The following PSIP1 variants were observed in gnomAD, a reference collection of about 807,000 sequenced individuals.
PSIP1 encodes PC4 and SRSF1 interacting protein 1, also known as PC4 and SFRS1-interacting protein.
Under a neutral mutation model 74.7 loss-of-function variants are expected in PSIP1, and 19 were observed. The ratio of observed to expected loss-of-function variants is 0.25; its 90% CI spans 0.18 to 0.37. The LOEUF is 0.37. Ranked by LOEUF, PSIP1 falls within the 10% of genes least tolerant of loss-of-function variation. The pLI, the probability that PSIP1 is intolerant of heterozygous loss-of-function variation, is 1.00. For synonymous variants in PSIP1, 222 were observed against 195.3 expected (o/e 1.14, Z -1.14); for missense variants, 601 against 614.3 (o/e 0.98, Z 0.23).
At position 15,510,034 on chromosome 9, in the gene PSIP1, G is replaced by A. The variant is rs568510852; in HGVS notation, c.72+83C>T. 106 of 1,392,654 alleles carry A rather than the reference G, an allele frequency of 7.6e-5. 1 individual carries two copies. In the South Asian group the frequency reaches 8.9e-4, roughly 12 times the overall value. 86.3% of individuals were successfully genotyped at this position (1,392,654 alleles called of 1,614,324 possible). On this transcript the variant is annotated intron_variant, in intron 2 of 15. Coordinates refer to ENST00000380733, the MANE Select transcript of PSIP1 (RefSeq NM_033222.5). Reference sequence around the variant, plus strand: ...AAAGCGAGGGAGAGAAAGGACAGAAGAAAAAATAAAGAGACACGGTGGGCA... The same window carrying A: ...AAAGCGAGGGAGAGAAAGGACAGAAAAAAAAATAAAGAGACACGGTGGGCA...
chr9:15,502,365 C>T (rs1347215123), intron 3 of PSIP1, among the ~76,000 whole-genome samples: 1 of 152,162 alleles, frequency 6.6e-6, no homozygotes, highest in Non-Finnish European at 1.5e-5. Context: ...TCCATGGATA[C>T]AGAACCCACA....
chr9:15,470,223 T>C (rs529455989), intron 10 of PSIP1, among the ~76,000 whole-genome samples: 1 of 152,266 alleles, frequency 6.6e-6, no homozygotes, highest in East Asian at 1.9e-4. Context: ...ACATCACAAA[T>C]AGTGTGTTGC....
chr9:15,471,155 CTT>C, intron 10 of PSIP1: 1 of 1,606,130 alleles, frequency 6.2e-7, no homozygotes, highest in Non-Finnish European at 8.5e-7. Context: ...CTTGTATTCT[CTT>C]TTCAGTAACT....
rs376865771 is a variant in PSIP1, at chr9:15,506,477, C to G, written c.149+84G>C. On this transcript the variant is annotated intron_variant, in intron 3 of 15. Transcript: ENST00000380733. The stretch of plus-strand genomic sequence containing the variant: ...GATTTTAAAGTTTCCTATTACGTTA[C>G]GATTTCCCCCTTGAATTAATGTCTA... 14 of 965,584 alleles carry G rather than the reference C, an allele frequency of 1.4e-5. No homozygotes were observed. The East Asian group carries it at 3.4e-4, about 23-fold the overall frequency. The allele number at this position is 965,584 out of a possible 1,614,324, so 59.8% of individuals were successfully genotyped here.
chr9:15,492,606 C>T (rs890481181), intron 3 of PSIP1, among the ~76,000 whole-genome samples: 3 of 152,166 alleles, frequency 2.0e-5, no homozygotes, highest in Admixed American at 1.3e-4. Context: ...CAGCCAGTGC[C>T]CCAGTGCGGA....
intron 3 of PSIP1, 106 bp from the exon 4 acceptor site, chr9:15,490,230 G>A: frequency 1.9e-6 from 2 of 1,052,148 alleles, no homozygotes; most frequent in Non-Finnish European, 1.3e-6. Flanking sequence ...AACCTAAACT[G>A]CATTACAAAT....
intron 8 of PSIP1, among the ~76,000 whole-genome samples, chr9:15,476,909 G>A (rs2036110940): frequency 6.6e-6 from 1 of 152,172 alleles, no homozygotes; most frequent in Admixed American, 6.5e-5. Context: ...AGCTGATGAG[G>A]AGGGCAGTAT....
chr9:15,493,680 G>A (rs141320708), intron 3 of PSIP1, among the ~76,000 whole-genome samples: 1 of 152,314 alleles, frequency 6.6e-6, no homozygotes, highest in Non-Finnish European at 1.5e-5. Flanking sequence ...CACGGCAGAA[G>A]GTACCTCTTC....
At chr9:15,471,531 G>C in intron 10 of PSIP1, 1 of 974,894 alleles carries the variant, frequency 1.0e-6, no homozygotes, top group Non-Finnish European at 1.2e-6. Context: ...CAGTCCAACA[G>C]CTTTTCAGTG....
intron 9 of PSIP1, among the ~76,000 whole-genome samples, chr9:15,473,278 G>A (rs2035921929): frequency 6.6e-6 from 1 of 152,044 alleles, no homozygotes; most frequent in African/African-American, 2.4e-5. Context: ...ATGTACAATA[G>A]GCCTGAAGGG....
At position 15,479,767 on chromosome 9, in the gene PSIP1, T is replaced by A. The variant is rs150444616; in HGVS notation, c.457-80A>T. 1.8e-4 allele frequency: 198 copies of A among 1,085,432 alleles called. 1 individual carries two copies. The African/African-American group carries it at 2.8e-3, about 15-fold the overall frequency. The allele number at this position is 1,085,432 out of a possible 1,614,324, so 67.2% of individuals were successfully genotyped here. A position where few individuals can be genotyped will look rare whatever the true frequency, so the allele number is the denominator to read the frequency against. Reference sequence around the variant, plus strand: ...TAATTCGATGGCAAAAATATGCCAGTCTATGGTAACGTTGAGTTCAAGTAT... The same window carrying A: ...TAATTCGATGGCAAAAATATGCCAGACTATGGTAACGTTGAGTTCAAGTAT... On this transcript the variant is annotated intron_variant, in intron 6 of 15. Transcript: ENST00000380733.
intron 10 of PSIP1, 35 bp downstream of exon 10, chr9:15,472,597 A>C: frequency 6.4e-7 from 1 of 1,564,274 alleles, no homozygotes. Context: ...AGCCTTTAAA[A>C]AGAACCCAAA....
intron 10 of PSIP1, chr9:15,470,614 C>CA (rs2035781920): frequency 1.1e-6 from 1 of 950,134 alleles, no homozygotes; most frequent in Non-Finnish European, 1.3e-6. Context: ...TAGACAAGAA[C>CA]AAAAAATATC....
At chr9:15,478,027 C>T (rs893281220) in intron 8 of PSIP1, among the ~76,000 whole-genome samples, 1 of 147,984 alleles carries the variant, frequency 6.8e-6, no homozygotes, top group African/African-American at 2.5e-5. Flanking sequence ...ACTTGGGAGG[C>T]TAAAGTGGGA....
chr9:15,490,089 G>A lies in PSIP1; in HGVS notation c.185C>T (p.Ser62Leu). Residue 62 changes from serine (S) to leucine (L), a missense_variant, in exon 4 of 16, where the codon TCA becomes TTA. Physicochemically the swap from Ser to Leu is moderately radical, Grantham distance 145. Coordinates refer to ENST00000380733, the MANE Select transcript of PSIP1 (RefSeq NM_033222.5). Reference sequence around the variant, plus strand: ...TTTGCCATACTTTTCCTTATTTTCTGAGTAAGGAAATATATCCTTTGGTCC... The same window carrying A: ...TTTGCCATACTTTTCCTTATTTTCTAAGTAAGGAAATATATCCTTTGGTCC... The part of the protein sequence containing the change: ...FLGPKDIFPY[S>L]ENKEKYGKPN... 6.2e-7 allele frequency: 1 copy of A among 1,602,894 alleles called. No individual in the cohort carries two copies. The highest frequency in any genetic ancestry group is 8.5e-7 in the Non-Finnish European group (1 of 1,175,092).
chr9:15,467,743 G>C (rs1430371851), intron 14 of PSIP1, among the ~76,000 whole-genome samples: 10 of 152,182 alleles, frequency 6.6e-5, no homozygotes, highest in Non-Finnish European at 1.5e-4. Context: ...AGTACTAGCA[G>C]GATTTAACTA....
chr9:15,507,886 C>G (rs1453528180), intron 2 of PSIP1, among the ~76,000 whole-genome samples: 1 of 152,166 alleles, frequency 6.6e-6, no homozygotes, highest in Non-Finnish European at 1.5e-5. Context: ...CCCAATATCT[C>G]TAGGGACCTA....
chr9:15,505,376 A>C (rs2037539239), intron 3 of PSIP1: 1 of 152,220 alleles, frequency 6.6e-6, no homozygotes, highest in South Asian at 2.1e-4. Flanking sequence ...AAATTTACTG[A>C]AGAGTTTCTT....
intron 11 of PSIP1, 107 bp from the exon 12 acceptor site, chr9:15,469,443 T>C: frequency 1.5e-6 from 1 of 647,276 alleles, no homozygotes; most frequent in Non-Finnish European, 2.6e-6. Context: ...AAAATGTTCT[T>C]AGTAATCTTT....
Sources: gnomAD v4.1 joint callset for allele counts (sites outside exome capture counted in the v4.1 genomes callset) on GRCh38, gnomAD v4.1.1 for gene constraint, MANE v1.5 for transcripts, NCBI Gene and HGNC (gene_info 2026-07-23, HGNC 2026-07-21) for gene names.